Variants in JAK2 observed in about 807,000 individuals in gnomAD.
JAK2 encodes the protein tyrosine-protein kinase JAK2.
A neutral mutation model predicts 139.3 loss-of-function variants in JAK2; 86 were observed. The ratio of observed to expected loss-of-function variants is 0.62; its 90% CI spans 0.52 to 0.74. JAK2 has a LOEUF of 0.74. Ranked by LOEUF, JAK2 falls within the 30% of genes least tolerant of loss-of-function variation. JAK2 has a pLI of 0.00. For missense variants in JAK2, 1,421 were observed against 1,360.3 expected (o/e 1.04, Z -0.70); for synonymous variants, 490 against 437.7 (o/e 1.12, Z -1.49).
intron 22 of JAK2, chr9:5,111,420 C>A: frequency 5.0e-6 from 2 of 400,758 alleles, no homozygotes; most frequent in Non-Finnish European, 4.9e-6. Context: ...ACGCAGCCCA[C>A]GAAGGTCGGG....
intron 1 of JAK2, 133 bp downstream of exon 1, chr9:4,985,763 G>C (rs1347395637): frequency 6.6e-6 from 1 of 152,452 alleles, no homozygotes; most frequent in African/African-American, 2.4e-5. Context: ...TCCTCTTTAA[G>C]ACGACACCTA....
intron 8 of JAK2, 73 bp downstream of exon 8, chr9:5,055,861 A>T: frequency 7.4e-7 from 1 of 1,342,354 alleles, no homozygotes. Flanking sequence ...GAATCTTAGT[A>T]CCAAAATTAT....
At chr9:5,116,705 G>A (rs1823210262) in intron 22 of JAK2, among the ~76,000 whole-genome samples, 1 of 152,158 alleles carries the variant, frequency 6.6e-6, no homozygotes, top group Admixed American at 6.5e-5. Context: ...ATGAAGATAG[G>A]CTTAGCATCA....
intron 2 of JAK2, among the ~76,000 whole-genome samples, chr9:5,016,877 T>C (rs1822099682): frequency 6.6e-6 from 1 of 152,130 alleles, no homozygotes; most frequent in Non-Finnish European, 1.5e-5. Context: ...GCTAAAATAA[T>C]TTAGAGGGAA....
Position 5,086,117 on chromosome 9 carries a change from C to T in JAK2, c.2572-3557C>T. Reference sequence around the variant, plus strand: ...GCCTATGAGCCTGCGCGGGCATCGGCAGCGGCGCGCGGCCCCGGCGGCCCC... The same window carrying T: ...GCCTATGAGCCTGCGCGGGCATCGGTAGCGGCGCGCGGCCCCGGCGGCCCC... On this transcript the variant is annotated intron_variant, in intron 19 of 24. Coordinates refer to ENST00000381652, the MANE Select transcript of JAK2 (RefSeq NM_004972.4). 6.7e-6 allele frequency: 3 copies of T among 445,190 alleles called. No homozygotes were observed. The South Asian group carries it at 7.7e-5, about 11-fold the overall frequency. The allele number at this position is 445,190 out of a possible 1,614,324, so 27.6% of individuals were successfully genotyped here. A position where few individuals can be genotyped will look rare whatever the true frequency, so the allele number is the denominator to read the frequency against.
intron 22 of JAK2, among the ~76,000 whole-genome samples, chr9:5,093,222 G>C (rs902942567): frequency 6.6e-6 from 1 of 152,072 alleles, no homozygotes; most frequent in Non-Finnish European, 1.5e-5. Context: ...TCCAACACAG[G>C]CATGCTCTAA....
intron 2 of JAK2, among the ~76,000 whole-genome samples, chr9:4,991,483 A>C (rs1029063289): frequency 2.0e-5 from 3 of 152,196 alleles, no homozygotes; most frequent in Non-Finnish European, 4.4e-5. Context: ...TTTGGAAATC[A>C]GGGGATAAGG....
chr9:5,123,225 T>G, intron 23 of JAK2, 104 bp downstream of exon 23: 2 of 674,716 alleles, frequency 3.0e-6, no homozygotes, highest in Non-Finnish European at 5.2e-6. Flanking sequence ...CATTGCATAG[T>G]GGTGAAGTCA....
chr9:4,995,216 G>A (rs1267114970), intron 2 of JAK2, among the ~76,000 whole-genome samples: 1 of 152,014 alleles, frequency 6.6e-6, no homozygotes, highest in Non-Finnish European at 1.5e-5. Context: ...ACTTTCTATT[G>A]GATTTGTGGT....
rs774644931 is a variant in JAK2, at chr9:5,044,139, C to T, written c.351-264C>T. On this transcript the variant is annotated intron_variant, in intron 4 of 24. Coordinates refer to ENST00000381652, the MANE Select transcript of JAK2 (RefSeq NM_004972.4). ...GTTTTTAACTTTTTGTTAATTTCTACATTTTTTGTTTCCTACTATTGCTTC... is the reference window on the plus strand; with the variant it reads ...GTTTTTAACTTTTTGTTAATTTCTATATTTTTTGTTTCCTACTATTGCTTC... 1.0e-3 allele frequency among the ~76,000 whole-genome samples: 154 copies of T among 152,308 alleles called. 2 individuals are homozygous for T. Among genetic ancestry groups the T allele is most frequent in the Non-Finnish European group, 5.0e-4 (34 of 68,022 alleles).
chr9:5,047,810 A>G (rs920240537), intron 5 of JAK2, among the ~76,000 whole-genome samples: 3 of 152,054 alleles, frequency 2.0e-5, no homozygotes, highest in Non-Finnish European at 4.4e-5. Context: ...TCTATTGTCC[A>G]GGCTGGTTTC....
rs183352264 is a variant in JAK2 at position 5,127,351 on chromosome 9, C to T, written c.*560C>T. ...CCTTTGTGTCCTTGTTCATTTATAT[C>T]GCTGGCCAGCATTATAAGCAGGTGT... On this transcript the variant is annotated 3_prime_UTR_variant, in exon 25 of 25. Transcript: ENST00000381652. 490 of 231,860 alleles carry T rather than the reference C, an allele frequency of 2.1e-3. No homozygotes were observed. Among genetic ancestry groups the T allele is most frequent in the African/African-American group, 0.01 (463 of 45,320 alleles). The allele number at this position is 231,860 out of a possible 1,614,324, so 14.4% of individuals were successfully genotyped here. A position where few individuals can be genotyped will look rare whatever the true frequency, so the allele number is the denominator to read the frequency against.
chr9:5,126,516 A>G, intron 24 of JAK2, 70 bp downstream of exon 24: 1 of 1,112,198 alleles, frequency 9.0e-7, no homozygotes. Flanking sequence ...ACTTCAGTTC[A>G]CTTCCTGAAA....
intron 22 of JAK2, among the ~76,000 whole-genome samples, chr9:5,116,883 G>A (rs1331015812): frequency 1.3e-5 from 2 of 152,196 alleles, no homozygotes; most frequent in Admixed American, 1.3e-4. Context: ...ATAAGTGTAA[G>A]TGCAATAATT....
rs55873896 is a variant in JAK2 at position 5,090,810 on chromosome 9, C to T, written c.2958C>T (p.Asn986=). 877 of 1,613,168 alleles carry T rather than the reference C, an allele frequency of 5.4e-4. 12 individuals are homozygous for T. The East Asian group carries it at 0.017, about 31-fold the overall frequency. The change falls in exon 22 of 25, where the codon AAC becomes AAT. Residue 986 remains asparagine (N), a synonymous_variant. Coordinates refer to ENST00000381652, the MANE Select transcript of JAK2 (RefSeq NM_004972.4). Reference sequence around the variant, plus strand: ...CAACGAGAAATATATTGGTGGAGAACGAGAACAGAGTTAAAATTGGAGATT... The same window carrying T: ...CAACGAGAAATATATTGGTGGAGAATGAGAACAGAGTTAAAATTGGAGATT... The part of the protein sequence containing the change: ...DLATRNILVE[N]ENRVKIGDFG...
At chr9:5,107,673 A>G (rs139659292) in intron 22 of JAK2, among the ~76,000 whole-genome samples, 1 of 152,326 alleles carries the variant, frequency 6.6e-6, no homozygotes, top group African/African-American at 2.4e-5. Flanking sequence ...ATTACCATAT[A>G]CCATATCACT....
At chr9:5,053,345 T>C (rs1430405489) in intron 6 of JAK2, among the ~76,000 whole-genome samples, 1 of 152,116 alleles carries the variant, frequency 6.6e-6, no homozygotes, top group East Asian at 1.9e-4. Flanking sequence ...TTATTGAGTT[T>C]AGAAAATTCT....
intron 22 of JAK2, among the ~76,000 whole-genome samples, chr9:5,102,972 A>G (rs1821631178): frequency 6.6e-6 from 1 of 152,178 alleles, no homozygotes; most frequent in Non-Finnish European, 1.5e-5. Flanking sequence ...GATGATAGGA[A>G]GAAACAGCAT....
intron 8 of JAK2, among the ~76,000 whole-genome samples, chr9:5,056,240 A>AG (rs1161814735): frequency 1.3e-5 from 2 of 152,148 alleles, no homozygotes; most frequent in African/African-American, 4.8e-5. Context: ...CCCAAGCTGT[A>AG]GGACATGGTT....
Sources: gnomAD v4.1 joint callset for allele counts (sites outside exome capture counted in the v4.1 genomes callset) on GRCh38, gnomAD v4.1.1 for gene constraint, MANE v1.5 for transcripts, NCBI Gene and HGNC (gene_info 2026-07-23, HGNC 2026-07-21) for gene names.